Variants in PHF21A observed in about 807,000 individuals in gnomAD.
PHF21A encodes PHD finger protein 21A.
A neutral mutation model predicts 82.5 loss-of-function variants in PHF21A; 11 were observed. The ratio of observed to expected loss-of-function variants is 0.13; its 90% CI spans 0.08 to 0.22. PHF21A has a LOEUF of 0.22. Ranked by LOEUF, PHF21A falls within the 10% of genes least tolerant of loss-of-function variation. The probability of loss-of-function intolerance (pLI) is 1.00; values close to 1 mark genes in which losing one functional copy is unlikely to be tolerated. For synonymous variants in PHF21A, 297 were observed against 302.8 expected, an observed-to-expected ratio of 0.98 and a Z score of 0.20; for missense variants, 579 against 837.8, an observed-to-expected ratio of 0.69 and a Z score of 3.81.
intron 6 of PHF21A, among the ~76,000 whole-genome samples, chr11:46,039,541 T>A (rs2096081357): frequency 6.6e-6 from 1 of 152,162 alleles, no homozygotes; most frequent in South Asian, 2.1e-4. Context: ...CTTGCAAGTG[T>A]CAGCATGGAG....
At chr11:46,091,156 C>A (rs980617684) in intron 2 of PHF21A, among the ~76,000 whole-genome samples, 1 of 152,198 alleles carries the variant, frequency 6.6e-6, no homozygotes, top group Non-Finnish European at 1.5e-5. Context: ...GCACCATAAA[C>A]TATCAAAAGG....
At chr11:46,033,649 A>G (rs1051162167) in intron 6 of PHF21A, among the ~76,000 whole-genome samples, 4 of 152,190 alleles carry the variant, frequency 2.6e-5, no homozygotes, top group African/African-American at 9.7e-5. Flanking sequence ...TTAAAGCTGC[A>G]TTGTCCAATA....
At chr11:45,972,182 C>A (rs1357364735) in intron 7 of PHF21A, among the ~76,000 whole-genome samples, 1 of 151,932 alleles carries the variant, frequency 6.6e-6, no homozygotes, top group Non-Finnish European at 1.5e-5. Flanking sequence ...CCTGAGAGAT[C>A]AGAAGATGAA....
At chr11:46,111,427 G>A (rs551979736) in intron 1 of PHF21A, among the ~76,000 whole-genome samples, 4 of 151,964 alleles carry the variant, frequency 2.6e-5, no homozygotes, top group South Asian at 2.1e-4. Context: ...CTGATATTGC[G>A]CCACTGCACT....
At chr11:46,001,272 G>C (rs1419692469) in intron 6 of PHF21A, among the ~76,000 whole-genome samples, 1 of 151,272 alleles carries the variant, frequency 6.6e-6, no homozygotes, top group African/African-American at 2.4e-5. Flanking sequence ...TAAGTCAAAG[G>C]TTCTGTGACC....
At chr11:46,110,344 C>T (rs1257150053) in intron 1 of PHF21A, among the ~76,000 whole-genome samples, 2 of 152,190 alleles carry the variant, frequency 1.3e-5, no homozygotes, top group East Asian at 3.9e-4. Flanking sequence ...ATCATCACAA[C>T]TGTTTCCTTT....
In PHF21A at chr11:46,120,990, A is replaced by C. The variant is rs927055581; in HGVS notation, c.-292T>G. ...GCAGCTGGAGGCAGGAACTCTGAGC[A>C]GGAGAAGCAGGAGGAGGAGGAGGAG... On this transcript the variant is annotated 5_prime_UTR_variant, in exon 1 of 19. Coordinates refer to ENST00000676320, the MANE Select transcript of PHF21A (RefSeq NM_001352027.3). The C allele has an allele frequency of 6.5e-6, 1 of 153,736 alleles. No individual in the cohort carries two copies. The highest frequency in any genetic ancestry group is 1.4e-5 in the Non-Finnish European group (1 of 69,320). The allele number at this position is 153,736 out of a possible 1,614,324, so 9.5% of individuals were successfully genotyped here.
intron 1 of PHF21A, among the ~76,000 whole-genome samples, chr11:46,118,445 A>G (rs1852009805): frequency 6.7e-6 from 1 of 149,742 alleles, no homozygotes; most frequent in African/African-American, 2.4e-5. Flanking sequence ...AGCCCCTGGA[A>G]TATTCGTAAC....
At chr11:45,976,065 C>G (rs2094007103) in intron 7 of PHF21A, among the ~76,000 whole-genome samples, 2 of 152,276 alleles carry the variant, frequency 1.3e-5, no homozygotes, top group Non-Finnish European at 2.9e-5. Flanking sequence ...CTCTGGCATG[C>G]TTTGGAGGGC....
At chr11:45,947,587 A>C (rs2091485669) in intron 14 of PHF21A, among the ~76,000 whole-genome samples, 1 of 152,214 alleles carries the variant, frequency 6.6e-6, no homozygotes, top group Admixed American at 6.5e-5. Context: ...CACAAAAGGC[A>C]TATCCTAGGC....
At chr11:45,999,372 G>A (rs1287844124) in intron 6 of PHF21A, among the ~76,000 whole-genome samples, 1 of 152,148 alleles carries the variant, frequency 6.6e-6, no homozygotes, top group African/African-American at 2.4e-5. Context: ...AGTAAGGCAA[G>A]TTTCCCTGCT....
At chr11:46,018,078 G>A (rs1223299333) in intron 6 of PHF21A, among the ~76,000 whole-genome samples, 2 of 151,652 alleles carry the variant, frequency 1.3e-5, no homozygotes, top group African/African-American at 4.8e-5. Context: ...GTGAAACCCC[G>A]TCTCTACTAA....
intron 6 of PHF21A, among the ~76,000 whole-genome samples, chr11:45,999,090 G>A (rs952435441): frequency 1.3e-5 from 2 of 151,892 alleles, no homozygotes; most frequent in African/African-American, 4.8e-5. Flanking sequence ...GCCTCCCAAA[G>A]TGCTGGGATT....
chr11:46,111,542 C>G (rs1166876312), intron 1 of PHF21A, among the ~76,000 whole-genome samples: 4 of 152,090 alleles, frequency 2.6e-5, no homozygotes, highest in African/African-American at 4.8e-5. Context: ...TGGTAGCCCT[C>G]AGCAACAATA....
intron 6 of PHF21A, among the ~76,000 whole-genome samples, chr11:46,014,218 A>T (rs2095469594): frequency 6.6e-6 from 1 of 152,128 alleles, no homozygotes; most frequent in Non-Finnish European, 1.5e-5. Context: ...TTTATGTCCA[A>T]GTGTACCCAA....
At chr11:45,936,275 T>C (rs1350918202) in intron 17 of PHF21A, among the ~76,000 whole-genome samples, 1 of 152,184 alleles carries the variant, frequency 6.6e-6, no homozygotes, top group Non-Finnish European at 1.5e-5. Flanking sequence ...TGAGACCTTG[T>C]CTCAAAAAAT....
intron 6 of PHF21A, among the ~76,000 whole-genome samples, chr11:46,030,830 C>CGCGT (rs2095850666): frequency 7.0e-6 from 1 of 142,212 alleles, no homozygotes; most frequent in African/African-American, 2.6e-5. Context: ...CGTGTGTGTG[C>CGCGT]GTGTGTGTGT....
chr11:46,117,437 T>G (rs548154896), intron 1 of PHF21A: 3 of 152,354 alleles, frequency 2.0e-5, no homozygotes, highest in African/African-American at 7.2e-5. Flanking sequence ...CTGATACAAC[T>G]TGACTTACAG....
At chr11:46,028,705 C>A (rs2095803580) in intron 6 of PHF21A, among the ~76,000 whole-genome samples, 1 of 151,734 alleles carries the variant, frequency 6.6e-6, no homozygotes, top group Admixed American at 6.6e-5. Context: ...TCCTGAGTAG[C>A]TGGGATTACA....
Sources: gnomAD v4.1 joint callset for allele counts (sites outside exome capture counted in the v4.1 genomes callset) on GRCh38, gnomAD v4.1.1 for gene constraint, MANE v1.5 for transcripts, NCBI Gene and HGNC (gene_info 2026-07-23, HGNC 2026-07-21) for gene names.